Variants in INPP5B observed in about 807,000 individuals in gnomAD.
INPP5B encodes the protein inositol polyphosphate-5-phosphatase B.
Under a neutral mutation model 118.5 loss-of-function variants are expected in INPP5B, and 90 were observed. The observed-to-expected ratio is 0.76, with a 90% CI of 0.64 to 0.90. The LOEUF (loss-of-function observed/expected upper bound fraction) is 0.90, where lower values mean the gene tolerates loss of function less well. INPP5B is among the 40% of genes least tolerant of loss of function. The pLI is 0.00. For missense variants in INPP5B, 984 were observed against 1,125.6 expected, an observed-to-expected ratio of 0.87 and a Z score of 1.80; for synonymous variants, 385 against 418.9, an observed-to-expected ratio of 0.92 and a Z score of 0.99.
At chr1:37,889,977 A>G (rs1197806202) in intron 8 of INPP5B, among the ~76,000 whole-genome samples, 1 of 152,236 alleles carries the variant, frequency 6.6e-6, no homozygotes, top group African/African-American at 2.4e-5. Flanking sequence ...CCAGAGGGGC[A>G]TCTTAAAGAT....
rs1642636373 is a variant in INPP5B at position 37,874,043 on chromosome 1, T to G, written c.1901A>C (p.Tyr634Ser). 6.2e-7 allele frequency: 1 copy of G among 1,606,618 alleles called. No individual in the cohort carries two copies. The highest frequency in any genetic ancestry group is 8.5e-7 in the Non-Finnish European group (1 of 1,174,366). Residue 634 changes from tyrosine (Y) to serine (S), a missense_variant, in exon 18 of 24, where the codon TAC (tyrosine) becomes TCC (serine). By Grantham distance (144) the Tyr-to-Ser change is moderately radical. Coordinates refer to ENST00000373024, the MANE Select transcript of INPP5B (RefSeq NM_005540.3). Reference sequence around the variant, plus strand: ...GTTGGCATTCAGCCACTGCTTACAGTAAGACTCTTCATCAGGCTTGTTGAT... The same window carrying G: ...GTTGGCATTCAGCCACTGCTTACAGGAAGACTCTTCATCAGGCTTGTTGAT... ...EFINKPDEES[Y>S]CKQWLNANPS...
chr1:37,878,458 G>C (rs1642979145), intron 15 of INPP5B, 135 bp from the exon 16 acceptor site: 2 of 1,462,476 alleles, frequency 1.4e-6, no homozygotes, highest in East Asian at 5.0e-5. Context: ...GAGGCAGCAA[G>C]AGCAATTCGG....
At chr1:37,939,451 G>GTTTTTTT (rs372636025) in intron 6 of INPP5B, among the ~76,000 whole-genome samples, 1 of 142,162 alleles carries the variant, frequency 7.0e-6, no homozygotes, top group Non-Finnish European at 1.5e-5. Flanking sequence ...TTTTGTTTTT[G>GTTTTTTT]TTTTTTTTTT....
intron 7 of INPP5B, among the ~76,000 whole-genome samples, chr1:37,901,992 A>ATTTTT (rs34179585): frequency 6.7e-6 from 1 of 148,332 alleles, no homozygotes. Context: ...CCTCTATTAA[A>ATTTTT]TTTTTTTTTT....
intron 7 of INPP5B, among the ~76,000 whole-genome samples, chr1:37,903,104 A>G (rs535096184): frequency 6.6e-6 from 1 of 152,354 alleles, no homozygotes. Context: ...TCCATCTTGA[A>G]TAAGAGCTAG....
At chr1:37,938,715 T>A (rs180982394) in intron 6 of INPP5B, among the ~76,000 whole-genome samples, 4 of 152,224 alleles carry the variant, frequency 2.6e-5, no homozygotes, top group African/African-American at 9.7e-5. Context: ...AAATATGTTA[T>A]CCTTTTATTT....
chr1:37,871,112 C>T (rs1313101884), intron 19 of INPP5B, among the ~76,000 whole-genome samples: 1 of 141,864 alleles, frequency 7.0e-6, no homozygotes, highest in Admixed American at 7.5e-5. Context: ...GAGCCCAGAT[C>T]GTGCCACTGC....
chr1:37,892,936 A>G (rs1643889046), intron 7 of INPP5B, among the ~76,000 whole-genome samples: 2 of 152,172 alleles, frequency 1.3e-5, no homozygotes, highest in Non-Finnish European at 2.9e-5. Context: ...GCTGCCACTA[A>G]GCCAGAAAGC....
At chr1:37,868,902 T>C (rs995564354) in intron 19 of INPP5B, among the ~76,000 whole-genome samples, 12 of 152,202 alleles carry the variant, frequency 7.9e-5, no homozygotes, top group African/African-American at 2.9e-4. Flanking sequence ...CAGAGAGAAG[T>C]TGCGGTCTGG....
intron 19 of INPP5B, among the ~76,000 whole-genome samples, chr1:37,871,480 A>C (rs1252309449): frequency 6.6e-6 from 1 of 150,456 alleles, no homozygotes; most frequent in East Asian, 2.0e-4. Context: ...AAAACAAAAC[A>C]AAAAAGGCCA....
At chr1:37,922,702 A>G (rs1645100282) in intron 7 of INPP5B, among the ~76,000 whole-genome samples, 2 of 152,232 alleles carry the variant, frequency 1.3e-5, no homozygotes, top group African/African-American at 2.4e-5. Flanking sequence ...TCTCAAAAAA[A>G]TAAATAAAAT....
intron 7 of INPP5B, among the ~76,000 whole-genome samples, chr1:37,901,731 T>C (rs1644339106): frequency 6.6e-6 from 1 of 152,154 alleles, no homozygotes; most frequent in African/African-American, 2.4e-5. Flanking sequence ...GGCGGTCTTC[T>C]CGGAATCTCC....
chr1:37,864,283 A>C (rs566446002), intron 23 of INPP5B, 29 bp downstream of exon 23: 178 of 1,293,492 alleles, frequency 1.4e-4, no homozygotes, highest in Non-Finnish European at 1.9e-4. Flanking sequence ...GTTTGCAGAA[A>C]TGCTTTCCAT....
At chr1:37,877,223 T>C (rs1341268121) in intron 16 of INPP5B, among the ~76,000 whole-genome samples, 1 of 150,998 alleles carries the variant, frequency 6.6e-6, no homozygotes, top group East Asian at 2.0e-4. Flanking sequence ...GTGCCTGTAA[T>C]CCCAGCTACT....
intron 5 of INPP5B, chr1:37,941,958 A>AAAAAAAAAAAATAT (rs1427344681): frequency 6.6e-5 from 2 of 30,384 alleles, no homozygotes; most frequent in African/African-American, 1.5e-4. Context: ...AAAAAAAAAA[A>AAAAAAAAAAAATAT]ATATATATAT....
chr1:37,946,161 G>T, intron 2 of INPP5B, 91 bp downstream of exon 2: 1 of 1,200,678 alleles, frequency 8.3e-7, no homozygotes, highest in Middle Eastern at 1.9e-4. Context: ...GGTTCAGAGG[G>T]GCAGGAGAGG....
chr1:37,867,787 CAG>C (rs1313450140), intron 20 of INPP5B, among the ~76,000 whole-genome samples: 1 of 152,100 alleles, frequency 6.6e-6, no homozygotes, highest in Non-Finnish European at 1.5e-5. Context: ...CTCTAGAAAT[CAG>C]GCCTCCAAAT....
chr1:37,908,660 A>G (rs940058376), intron 7 of INPP5B, among the ~76,000 whole-genome samples: 2 of 151,854 alleles, frequency 1.3e-5, no homozygotes, highest in Non-Finnish European at 2.9e-5. Flanking sequence ...GGACTCGGGA[A>G]GATAGTCTTC....
intron 7 of INPP5B, among the ~76,000 whole-genome samples, chr1:37,910,249 C>G (rs1298813589): frequency 1.3e-5 from 2 of 152,172 alleles, no homozygotes; most frequent in African/African-American, 2.4e-5. Flanking sequence ...TCCACATTAC[C>G]TTCTTTCCAA....
Sources: gnomAD v4.1 joint callset for allele counts (sites outside exome capture counted in the v4.1 genomes callset) on GRCh38, gnomAD v4.1.1 for gene constraint, MANE v1.5 for transcripts, NCBI Gene and HGNC (gene_info 2026-07-23, HGNC 2026-07-21) for gene names.